Variants in RTN1 observed in about 807,000 individuals in gnomAD.
RTN1 encodes reticulon 1.
In RTN1, 25 loss-of-function variants were observed where a neutral mutation model predicts 65.5. The ratio of observed to expected loss-of-function variants is 0.38; its 90% CI spans 0.28 to 0.53. RTN1 has a LOEUF of 0.53. RTN1 is among the 20% of genes least tolerant of loss of function. RTN1 has a pLI of 0.79. For synonymous variants in RTN1, 471 were observed against 447.6 expected (o/e 1.05, Z -0.66); for missense variants, 983 against 1,025.4 (o/e 0.96, Z 0.57).
intron 1 of RTN1, among the ~76,000 whole-genome samples, chr14:59,784,390 G>A (rs1326108444): frequency 2.0e-5 from 3 of 151,202 alleles, no homozygotes; most frequent in African/African-American, 4.9e-5. Flanking sequence ...GTGGTGAGCC[G>A]AGATCGTGCC....
chr14:59,645,590 G>A (rs954348946), intron 3 of RTN1, among the ~76,000 whole-genome samples: 7 of 152,128 alleles, frequency 4.6e-5, no homozygotes, highest in African/African-American at 1.7e-4. Flanking sequence ...AGTGGGAGGG[G>A]TGGGTTGCCA....
chr14:59,635,857 A>G (rs1054215514), intron 3 of RTN1, among the ~76,000 whole-genome samples: 2 of 152,208 alleles, frequency 1.3e-5, no homozygotes, highest in African/African-American at 4.8e-5. Flanking sequence ...ATATAAGAGA[A>G]TGAATATTTT....
At chr14:59,624,710 C>G (rs1234120320) in intron 3 of RTN1, among the ~76,000 whole-genome samples, 2 of 152,198 alleles carry the variant, frequency 1.3e-5, no homozygotes, top group Non-Finnish European at 2.9e-5. Flanking sequence ...GGTCCACCTA[C>G]CTCAGCCTCC....
chr14:59,610,132 T>C (rs773978285), intron 3 of RTN1: 4 of 777,136 alleles, frequency 5.1e-6, no homozygotes, highest in Non-Finnish European at 9.6e-6. Flanking sequence ...CTGGTAGAAA[T>C]GGCATGCCCT....
intron 3 of RTN1, among the ~76,000 whole-genome samples, chr14:59,652,968 C>T (rs550145911): frequency 3.1e-4 from 47 of 151,478 alleles, no homozygotes; most frequent in African/African-American, 1.1e-3. Context: ...ATAGGAGTTC[C>T]AGAAAGAGAG....
intron 1 of RTN1, among the ~76,000 whole-genome samples, chr14:59,850,872 G>C (rs570916471): frequency 6.6e-6 from 1 of 152,226 alleles, no homozygotes; most frequent in South Asian, 2.1e-4. Context: ...TCATGGGTAG[G>C]TTTTTTTCTC....
intron 8 of RTN1, among the ~76,000 whole-genome samples, chr14:59,602,819 T>C (rs900730953): frequency 6.6e-6 from 1 of 152,202 alleles, no homozygotes; most frequent in Non-Finnish European, 1.5e-5. Context: ...CTTAATATCA[T>C]GCATTCATTA....
At chr14:59,685,968 C>T (rs551109069) in intron 3 of RTN1, among the ~76,000 whole-genome samples, 1 of 152,268 alleles carries the variant, frequency 6.6e-6, no homozygotes, top group African/African-American at 2.4e-5. Flanking sequence ...GGCATAAAAA[C>T]AGACAGATAA....
intron 3 of RTN1, among the ~76,000 whole-genome samples, chr14:59,720,420 G>T (rs1448277431): frequency 1.3e-5 from 2 of 152,122 alleles, no homozygotes; most frequent in Non-Finnish European, 1.5e-5. Context: ...TAGCTTAGTT[G>T]CTTTCAATAG....
intron 3 of RTN1, among the ~76,000 whole-genome samples, chr14:59,656,549 A>G (rs547910398): frequency 2.6e-5 from 4 of 152,172 alleles, no homozygotes; most frequent in Non-Finnish European, 2.9e-5. Context: ...AACAGAATCG[A>G]CAATCTAGAA....
intron 2 of RTN1, among the ~76,000 whole-genome samples, chr14:59,731,941 T>C (rs1348332294): frequency 1.3e-5 from 2 of 152,218 alleles, no homozygotes; most frequent in Non-Finnish European, 2.9e-5. Flanking sequence ...ACTGTGCTTA[T>C]GACTCACAGT....
intron 3 of RTN1, among the ~76,000 whole-genome samples, chr14:59,674,479 A>C (rs1315937507): frequency 2.0e-5 from 3 of 152,244 alleles, no homozygotes; most frequent in African/African-American, 7.2e-5. Context: ...GTACAGATTA[A>C]GAAGCACGGA....
chr14:59,792,348 G>C (rs1205584578), intron 1 of RTN1, among the ~76,000 whole-genome samples: 1 of 131,692 alleles, frequency 7.6e-6, no homozygotes, highest in African/African-American at 3.0e-5. Context: ...TGAGAGAAAA[G>C]AGAAAAGACT....
chr14:59,684,469 C>G (rs574920811), intron 3 of RTN1, among the ~76,000 whole-genome samples: 75 of 151,924 alleles, frequency 4.9e-4, no homozygotes, highest in African/African-American at 1.2e-3. Context: ...ATATTATTTT[C>G]TATAAAAATA....
rs1325945064 is a variant in RTN1 at position 59,816,652 on chromosome 14, A to C, written c.241+53738T>G. ...ATCATGCTATAAAATACCCAGTACTAGCGGGGCACAGTGGCTCATGCCTGT... is the reference window on the plus strand; with the variant it reads ...ATCATGCTATAAAATACCCAGTACTCGCGGGGCACAGTGGCTCATGCCTGT... On this transcript the variant is annotated intron_variant, in intron 1 of 8. Transcript: ENST00000267484. The surrounding 1 kb of genome is among the most constrained non-coding windows in gnomAD (Gnocchi z 4.3). Among the ~76,000 whole-genome samples, 1 of 152,166 alleles carries C rather than the reference A, an allele frequency of 6.6e-6. No individual in the cohort carries two copies. The highest frequency in any genetic ancestry group is 2.4e-5 in the African/African-American group (1 of 41,454).
chr14:59,772,592 T>C (rs924884987), intron 1 of RTN1, among the ~76,000 whole-genome samples: 3 of 151,940 alleles, frequency 2.0e-5, no homozygotes, highest in Admixed American at 6.6e-5. Context: ...TCCTGGCTGA[T>C]TCCTTAGCTA....
chr14:59,694,940 G>T (rs528690155), intron 3 of RTN1, among the ~76,000 whole-genome samples: 16 of 152,198 alleles, frequency 1.1e-4, no homozygotes, highest in Non-Finnish European at 1.9e-4. Flanking sequence ...ACAGCAAACT[G>T]CTGCCCTGTG....
At chr14:59,841,567 C>T (rs772796363) in intron 1 of RTN1, among the ~76,000 whole-genome samples, 2 of 151,882 alleles carry the variant, frequency 1.3e-5, no homozygotes, top group African/African-American at 2.4e-5. Context: ...ATTAGCCAGG[C>T]ATGGTGGCAT....
intron 3 of RTN1, among the ~76,000 whole-genome samples, chr14:59,678,527 T>C (rs1228427167): frequency 6.6e-6 from 1 of 152,246 alleles, no homozygotes; most frequent in Non-Finnish European, 1.5e-5. Flanking sequence ...CCTGTTTCTC[T>C]ACCTTGTGCC....
Sources: gnomAD v4.1 joint callset for allele counts (sites outside exome capture counted in the v4.1 genomes callset) on GRCh38, gnomAD v4.1.1 for gene constraint, Gnocchi (gnomAD v3.1) non-coding constraint, MANE v1.5 for transcripts, NCBI Gene and HGNC (gene_info 2026-07-23, HGNC 2026-07-21) for gene names.